The following XKR6 variants were observed in gnomAD, a reference collection of about 807,000 sequenced individuals.
XKR6 encodes the protein XK related 6, also known as XK-related protein 6.
In XKR6, 22 loss-of-function variants were observed where a neutral mutation model predicts 56.7. The ratio of observed to expected loss-of-function variants is 0.39; its 90% confidence interval spans 0.28 to 0.55. The LOEUF (loss-of-function observed/expected upper bound fraction) is 0.55, where lower values mean the gene tolerates loss of function less well. Ranked by LOEUF, XKR6 falls within the 20% of genes least tolerant of loss-of-function variation. The pLI is 0.66. For synonymous variants in XKR6, 524 were observed against 387.8 expected (o/e 1.35, Z -4.13); for missense variants, 852 against 889.0 (o/e 0.96, Z 0.53).
chr8:10,972,774 T>C (rs1338239765), intron 1 of XKR6, among the ~76,000 whole-genome samples: 2 of 152,228 alleles, frequency 1.3e-5, no homozygotes, highest in African/African-American at 4.8e-5. Flanking sequence ...ATAAGACATC[T>C]GGAGATGGAT....
chr8:10,955,697 A>C (rs1384927987), intron 1 of XKR6, among the ~76,000 whole-genome samples: 3 of 152,192 alleles, frequency 2.0e-5, no homozygotes, highest in Non-Finnish European at 4.4e-5. Flanking sequence ...TCCCTGCCAG[A>C]CACCCACAGA....
intron 1 of XKR6, chr8:11,108,775 T>C (rs1798778800): frequency 5.8e-6 from 1 of 172,968 alleles, no homozygotes; most frequent in East Asian, 1.8e-4. Context: ...CAAGGTAAAA[T>C]GAAGACGATC....
intron 1 of XKR6, among the ~76,000 whole-genome samples, chr8:11,074,569 T>C (rs1800219104): frequency 6.6e-6 from 1 of 152,182 alleles, no homozygotes. Flanking sequence ...CAAGCATTTG[T>C]CTAGTAGGGG....
At chr8:11,049,756 G>A (rs1164828807) in intron 1 of XKR6, among the ~76,000 whole-genome samples, 3 of 152,028 alleles carry the variant, frequency 2.0e-5, no homozygotes, top group African/African-American at 7.2e-5. Context: ...TGAGAAAGAA[G>A]AAGAAAAAAA....
At chr8:11,104,384 A>G (rs1229250332) in intron 1 of XKR6, among the ~76,000 whole-genome samples, 1 of 152,248 alleles carries the variant, frequency 6.6e-6, no homozygotes, top group Admixed American at 6.5e-5. Flanking sequence ...TCTCCTTGAC[A>G]CAGTATATAT....
At chr8:11,104,333 A>G (rs1586549739) in intron 1 of XKR6, among the ~76,000 whole-genome samples, 1 of 152,264 alleles carries the variant, frequency 6.6e-6, no homozygotes, top group Non-Finnish European at 1.5e-5. Context: ...CCAATTTTAA[A>G]TAGGCCAAGG....
chr8:11,063,246 C>T (rs1799885238), intron 1 of XKR6, among the ~76,000 whole-genome samples: 1 of 151,540 alleles, frequency 6.6e-6, no homozygotes. Context: ...ATAAGATTAG[C>T]TTGTCTTCAG....
chr8:11,032,408 G>C (rs761839205), intron 1 of XKR6, among the ~76,000 whole-genome samples: 1 of 152,212 alleles, frequency 6.6e-6, no homozygotes, highest in Non-Finnish European at 1.5e-5. Context: ...GAGTGTGTGT[G>C]CTGAGTACAA....
At chr8:11,193,437 A>G (rs747437760) in intron 1 of XKR6, among the ~76,000 whole-genome samples, 1 of 152,228 alleles carries the variant, frequency 6.6e-6, no homozygotes, top group African/African-American at 2.4e-5. Flanking sequence ...CACATTAGAA[A>G]TACAGAAATG....
At chr8:10,918,154 G>A (rs527832971) in intron 2 of XKR6, among the ~76,000 whole-genome samples, 50 of 152,308 alleles carry the variant, frequency 3.3e-4, no homozygotes, top group Middle Eastern at 3.4e-3. Flanking sequence ...GGCAAAGGGC[G>A]GTGAGCCCAT....
At chr8:11,016,994 G>C (rs964627266) in intron 1 of XKR6, among the ~76,000 whole-genome samples, 1 of 152,232 alleles carries the variant, frequency 6.6e-6, no homozygotes, top group African/African-American at 2.4e-5. Flanking sequence ...TAGATAGACT[G>C]ATAAGATGAA....
chr8:11,117,368 C>A (rs952612075), intron 1 of XKR6, among the ~76,000 whole-genome samples: 2 of 152,180 alleles, frequency 1.3e-5, no homozygotes, highest in Non-Finnish European at 2.9e-5. Flanking sequence ...CTGTGGGAGT[C>A]CTGCAACTTC....
chr8:11,140,640 GT>G (rs1287665043), intron 1 of XKR6, among the ~76,000 whole-genome samples: 1 of 152,148 alleles, frequency 6.6e-6, no homozygotes, highest in Non-Finnish European at 1.5e-5. Flanking sequence ...GCTCACACCT[GT>G]AATCCCAGCA....
intron 1 of XKR6, among the ~76,000 whole-genome samples, chr8:11,189,810 G>C (rs1803455738): frequency 6.6e-6 from 1 of 152,186 alleles, no homozygotes; most frequent in Non-Finnish European, 1.5e-5. Flanking sequence ...TCTTATGGTA[G>C]ATCTCAAATA....
chr8:11,075,820 C>A (rs1223444304), intron 1 of XKR6, among the ~76,000 whole-genome samples: 2 of 152,152 alleles, frequency 1.3e-5, no homozygotes, highest in African/African-American at 4.8e-5. Flanking sequence ...TTGCAGTGAG[C>A]TGAGATCACA....
chr8:11,087,556 T>G (rs1797931022), intron 1 of XKR6, among the ~76,000 whole-genome samples: 1 of 152,092 alleles, frequency 6.6e-6, no homozygotes, highest in Admixed American at 6.6e-5. Flanking sequence ...CCTCCTCTCC[T>G]TCCTCTGGAC....
At chr8:11,123,441 A>G (rs1799574923) in intron 1 of XKR6, 1 of 160,002 alleles carries the variant, frequency 6.2e-6, no homozygotes. Flanking sequence ...TCTACTTCAT[A>G]TTGGACAGGC....
At chr8:11,100,844 C>A (rs1489305847) in intron 1 of XKR6, among the ~76,000 whole-genome samples, 3 of 152,154 alleles carry the variant, frequency 2.0e-5, no homozygotes, top group African/African-American at 4.8e-5. Flanking sequence ...CTTTTGTTGG[C>A]GTTGGCCTCC....
intron 1 of XKR6, among the ~76,000 whole-genome samples, chr8:10,929,150 G>C (rs1800986586): frequency 6.6e-6 from 1 of 152,220 alleles, no homozygotes; most frequent in South Asian, 2.1e-4. Flanking sequence ...CTTCAGGTGA[G>C]TGACCTCACA....
Sources: allele counts gnomAD v4.1 joint callset (sites outside exome capture counted in the v4.1 genomes callset), GRCh38; gene constraint gnomAD v4.1.1; transcripts MANE v1.5; gene names NCBI Gene and HGNC (gene_info 2026-07-23, HGNC 2026-07-21).